The following AK8 variants were observed in gnomAD, a reference collection of about 807,000 sequenced individuals.
AK8 encodes the protein adenylate kinase 8.
AK8 carries 44 observed loss-of-function variants against 54.6 expected under a neutral mutation model. The ratio of observed to expected loss-of-function variants is 0.81; its 90% CI spans 0.63 to 1.04. The LOEUF (loss-of-function observed/expected upper bound fraction) is 1.04, where lower values mean the gene tolerates loss of function less well. AK8 is among the 50% of genes least tolerant of loss of function. The pLI, the probability that AK8 is intolerant of heterozygous loss-of-function variation, is 0.00. For synonymous variants in AK8, 239 were observed against 245.6 expected (o/e 0.97, Z 0.25); for missense variants, 555 against 613.6 (o/e 0.90, Z 1.01).
chr9:132,767,085 G>T (rs1344009300), intron 11 of AK8, among the ~76,000 whole-genome samples: 1 of 152,132 alleles, frequency 6.6e-6, no homozygotes, highest in Admixed American at 6.5e-5. Flanking sequence ...TATTTTTTTG[G>T]TAAGAGCTTA....
chr9:132,876,750 T>C (rs960384614), intron 1 of AK8, among the ~76,000 whole-genome samples: 76 of 152,122 alleles, frequency 5.0e-4, no homozygotes, highest in African/African-American at 1.8e-3. Context: ...ATGGAAATGG[T>C]CAAAAACATG....
At chr9:132,848,941 C>T (rs1842862670) in intron 5 of AK8, among the ~76,000 whole-genome samples, 1 of 144,142 alleles carries the variant, frequency 6.9e-6, no homozygotes, top group Admixed American at 7.0e-5. Flanking sequence ...CGGAGTCTCA[C>T]TCTGTCGCCC....
At chr9:132,736,209 G>A (rs1411517023) in intron 11 of AK8, among the ~76,000 whole-genome samples, 1 of 135,530 alleles carries the variant, frequency 7.4e-6, no homozygotes, top group African/African-American at 2.8e-5. Context: ...TTTTTGAGAC[G>A]AAGTCTCGCT....
chr9:132,761,259 C>CTTTTTTTTTTTTTTTTTTT (rs202041016), intron 11 of AK8, among the ~76,000 whole-genome samples: 4 of 133,366 alleles, frequency 3.0e-5, no homozygotes, highest in African/African-American at 1.4e-4. Flanking sequence ...TTTTTCTTTT[C>CTTTTTTTTTTTTTTTTTTT]TTTTCTTTTC....
intron 10 of AK8, among the ~76,000 whole-genome samples, chr9:132,811,653 A>G (rs1841014733): frequency 6.6e-6 from 1 of 152,236 alleles, no homozygotes. Flanking sequence ...CAGTACCCAG[A>G]GATGGCAAAG....
At chr9:132,778,483 AAGAG>A (rs1025637125) in intron 11 of AK8, among the ~76,000 whole-genome samples, 1 of 152,056 alleles carries the variant, frequency 6.6e-6, no homozygotes, top group Non-Finnish European at 1.5e-5. Flanking sequence ...GTGATAATGA[AAGAG>A]AGAGAGAGTG....
rs1432979568 is a variant in AK8 at position 132,770,686 on chromosome 9, G to T, written c.1121+21948C>A. ...CCGAGATCGAGACCGGGACAAGGCA[G>T]GGAAGAGCGGGATGGGTCGGCCCCT... On this transcript the variant is annotated intron_variant, in intron 11 of 12. Transcript: ENST00000298545. The surrounding 1 kb of genome is among the most constrained non-coding windows in gnomAD (Gnocchi z 4.3). 6.6e-6 allele frequency among the ~76,000 whole-genome samples: 1 copy of T among 152,222 alleles called. No homozygotes were observed. Among genetic ancestry groups the T allele is most frequent in the African/African-American group, 2.4e-5 (1 of 41,468 alleles).
chr9:132,763,690 T>G (rs1292970456), intron 11 of AK8, among the ~76,000 whole-genome samples: 3 of 152,284 alleles, frequency 2.0e-5, no homozygotes, highest in Non-Finnish European at 2.9e-5. Flanking sequence ...TTCCTTTTTC[T>G]GTCTACAAAT....
chr9:132,832,828 G>C (rs1406682935), intron 5 of AK8, among the ~76,000 whole-genome samples: 2 of 152,174 alleles, frequency 1.3e-5, no homozygotes, highest in African/African-American at 4.8e-5. Flanking sequence ...TCCCTAATTA[G>C]CCTGGCCTCA....
chr9:132,861,704 C>T (rs1342374006), intron 4 of AK8: 1 of 152,218 alleles, frequency 6.6e-6, no homozygotes, highest in Non-Finnish European at 1.5e-5. Flanking sequence ...GGTATCATTA[C>T]TACTTGCAAA....
At chr9:132,788,760 C>CA (rs1163906452) in intron 11 of AK8, among the ~76,000 whole-genome samples, 2 of 151,920 alleles carry the variant, frequency 1.3e-5, no homozygotes, top group Non-Finnish European at 2.9e-5. Context: ...GTGCCAGATC[C>CA]AAAAAAACAG....
intron 2 of AK8, among the ~76,000 whole-genome samples, chr9:132,870,513 T>C (rs997728881): frequency 6.6e-6 from 1 of 152,158 alleles, no homozygotes; most frequent in African/African-American, 2.4e-5. Flanking sequence ...AAACGTTTGA[T>C]AAAAAACGAA....
chr9:132,780,782 A>C (rs939769949), intron 11 of AK8, among the ~76,000 whole-genome samples: 8 of 152,148 alleles, frequency 5.3e-5, no homozygotes, highest in African/African-American at 1.9e-4. Flanking sequence ...CCAGAAAACA[A>C]CACCAAGATT....
chr9:132,733,407 A>G (rs939238883), intron 11 of AK8, among the ~76,000 whole-genome samples: 3 of 152,194 alleles, frequency 2.0e-5, no homozygotes, highest in African/African-American at 7.2e-5. Flanking sequence ...ACGCCAGTAG[A>G]AAGGAAGCCG....
intron 11 of AK8, among the ~76,000 whole-genome samples, chr9:132,768,456 G>A (rs1167992802): frequency 6.6e-6 from 1 of 151,954 alleles, no homozygotes; most frequent in Non-Finnish European, 1.5e-5. Flanking sequence ...TAGTAGAGAC[G>A]GGGTTTCTCC....
intron 9 of AK8, among the ~76,000 whole-genome samples, chr9:132,820,937 A>G (rs1411757011): frequency 6.6e-6 from 1 of 152,206 alleles, no homozygotes; most frequent in Non-Finnish European, 1.5e-5. Flanking sequence ...TCTTGTATTT[A>G]TCAAGAACAC....
intron 2 of AK8, among the ~76,000 whole-genome samples, chr9:132,869,195 A>G (rs1843710262): frequency 6.6e-6 from 1 of 152,130 alleles, no homozygotes; most frequent in South Asian, 2.1e-4. Context: ...ATCTATATCT[A>G]TATCTATGTC....
intron 2 of AK8, among the ~76,000 whole-genome samples, chr9:132,872,424 C>T (rs778416503): frequency 6.6e-5 from 10 of 152,274 alleles, no homozygotes; most frequent in African/African-American, 2.2e-4. Flanking sequence ...GTCAGTGCAA[C>T]CTAATTTATG....
In AK8 at chr9:132,792,615, C is replaced by T; in HGVS notation, c.1121+19G>A. The stretch of plus-strand genomic sequence containing the variant: ...CCAGGGGCTTGGCCAGGGCTGCTGG[C>T]TTGGCTGGGGCAGCTCACCTGTTGG... On this transcript the variant is annotated intron_variant, in intron 11 of 12. Transcript: ENST00000298545. 6.5e-7 allele frequency: 1 copy of T among 1,548,644 alleles called. No individual in the cohort carries two copies. The highest frequency in any genetic ancestry group is 8.7e-7 in the Non-Finnish European group (1 of 1,145,606).
Sources: allele counts gnomAD v4.1 joint callset (sites outside exome capture counted in the v4.1 genomes callset), GRCh38; gene constraint gnomAD v4.1.1; non-coding constraint Gnocchi (gnomAD v3.1); transcripts MANE v1.5; gene names NCBI Gene and HGNC (gene_info 2026-07-23, HGNC 2026-07-21).